KLF12: variants seen among roughly 807,000 people sequenced by gnomAD.
KLF12 encodes KLF transcription factor 12, also known as Krueppel-like factor 12.
Under a neutral mutation model 37.8 loss-of-function variants are expected in KLF12, and 9 were observed. The observed-to-expected ratio is 0.24, with a 90% confidence interval of 0.14 to 0.42. KLF12 has a LOEUF of 0.42. Ranked by LOEUF, KLF12 falls within the 10% of genes least tolerant of loss-of-function variation. The pLI, the probability that KLF12 is intolerant of heterozygous loss-of-function variation, is 1.00. For missense variants in KLF12, 411 were observed against 516.0 expected (o/e 0.80, Z 1.97); for synonymous variants, 208 against 202.1 (o/e 1.03, Z -0.25).
intron 1 of KLF12, among the ~76,000 whole-genome samples, chr13:74,096,761 A>G (rs1468788293): frequency 6.6e-6 from 1 of 152,218 alleles, no homozygotes; most frequent in Non-Finnish European, 1.5e-5. Context: ...CAATGAAATG[A>G]GAAGGGAGAT....
chr13:73,754,138 G>A (rs1443727467), intron 6 of KLF12, among the ~76,000 whole-genome samples: 1 of 152,090 alleles, frequency 6.6e-6, no homozygotes, highest in African/African-American at 2.4e-5. Flanking sequence ...AGTGCCCCCT[G>A]GGGTTGTGCA....
chr13:74,120,633 G>C (rs1877574140), intron 1 of KLF12, among the ~76,000 whole-genome samples: 1 of 151,926 alleles, frequency 6.6e-6, no homozygotes, highest in Admixed American at 6.6e-5. Context: ...ACATATTTTT[G>C]TCTGATATTG....
intron 3 of KLF12, among the ~76,000 whole-genome samples, chr13:73,900,763 C>T (rs1228934974): frequency 6.6e-6 from 1 of 152,058 alleles, no homozygotes; most frequent in South Asian, 2.1e-4. Flanking sequence ...TTTCCTTTAA[C>T]AATAACACTG....
At chr13:74,143,966 A>G in the KLF12 span, among the ~76,000 whole-genome samples, 2 of 152,206 alleles carry the variant, frequency 1.3e-5, no homozygotes, top group Non-Finnish European at 2.9e-5. Context: ...TACTGAGACC[A>G]TAATCCCATT....
intron 1 of KLF12, among the ~76,000 whole-genome samples, chr13:74,008,169 T>C (rs1410254865): frequency 6.6e-6 from 1 of 152,252 alleles, no homozygotes; most frequent in Non-Finnish European, 1.5e-5. Context: ...TTGCACTTTT[T>C]ATTTCACTAA....
chr13:73,852,553 G>A (rs1885385617), intron 3 of KLF12, among the ~76,000 whole-genome samples: 1 of 152,140 alleles, frequency 6.6e-6, no homozygotes, highest in Non-Finnish European at 1.5e-5. Flanking sequence ...AGGCTGAGGC[G>A]GCGGATCACT....
intron 3 of KLF12, among the ~76,000 whole-genome samples, chr13:73,867,091 A>G (rs549670127): frequency 1.3e-5 from 2 of 152,266 alleles, no homozygotes; most frequent in African/African-American, 4.8e-5. Context: ...TAAAAAGCAT[A>G]CAGTGTGATG....
At chr13:74,122,419 T>C (rs1434885448) in intron 1 of KLF12, among the ~76,000 whole-genome samples, 1 of 152,096 alleles carries the variant, frequency 6.6e-6, no homozygotes, top group Non-Finnish European at 1.5e-5. Flanking sequence ...CTATTACTGA[T>C]GGTGATTGGG....
At chr13:74,120,830 A>G (rs1309880957) in intron 1 of KLF12, among the ~76,000 whole-genome samples, 1 of 152,140 alleles carries the variant, frequency 6.6e-6, no homozygotes, top group Admixed American at 6.5e-5. Flanking sequence ...GGCTGTGAGA[A>G]GTTAATGATG....
intron 3 of KLF12, among the ~76,000 whole-genome samples, chr13:73,885,982 G>C (rs1335102264): frequency 6.6e-6 from 1 of 152,174 alleles, no homozygotes; most frequent in East Asian, 1.9e-4. Context: ...GAGGAAGGTT[G>C]GTGTTACTTA....
the KLF12 span, among the ~76,000 whole-genome samples, chr13:74,168,346 C>T: frequency 3.9e-5 from 6 of 152,350 alleles, no homozygotes; most frequent in African/African-American, 1.4e-4. Flanking sequence ...GACTCTGGCT[C>T]CATGTCTTAT....
chr13:73,824,881 A>C (rs1004918569), intron 4 of KLF12, among the ~76,000 whole-genome samples: 5 of 152,116 alleles, frequency 3.3e-5, no homozygotes, highest in Non-Finnish European at 7.4e-5. Flanking sequence ...CAGCCTGGCC[A>C]ACATGGTGAA....
intron 5 of KLF12, among the ~76,000 whole-genome samples, chr13:73,788,716 G>C (rs150803852): frequency 7.9e-5 from 12 of 151,722 alleles, no homozygotes; most frequent in African/African-American, 2.9e-4. Context: ...TTTTGTTTCA[G>C]AACATTTCAA....
the KLF12 span, among the ~76,000 whole-genome samples, chr13:74,229,379 C>T: frequency 3.3e-5 from 5 of 152,226 alleles, no homozygotes; most frequent in Middle Eastern, 3.4e-3. Flanking sequence ...ATTTATTATT[C>T]GTGGTTTTGA....
chr13:74,256,636 G>C, the KLF12 span, among the ~76,000 whole-genome samples: 4 of 151,858 alleles, frequency 2.6e-5, no homozygotes, highest in Non-Finnish European at 4.4e-5. Flanking sequence ...GAGGGGGTGA[G>C]TTTATACAGC....
At chr13:74,152,494 G>C in the KLF12 span, among the ~76,000 whole-genome samples, 3 of 152,024 alleles carry the variant, frequency 2.0e-5, no homozygotes, top group Non-Finnish European at 2.9e-5. Flanking sequence ...TAGTACTTTT[G>C]TGCCACCTGA....
At chr13:74,017,374 C>T (rs143872717) in intron 1 of KLF12, among the ~76,000 whole-genome samples, 1,638 of 149,298 alleles carry the variant, frequency 0.011, 19 homozygotes, top group African/African-American at 0.034. Context: ...ATCCTCAGAA[C>T]CAGACAAGTC....
At chr13:74,244,702 C>A in the KLF12 span, among the ~76,000 whole-genome samples, 3 of 152,270 alleles carry the variant, frequency 2.0e-5, no homozygotes, top group East Asian at 5.8e-4. Context: ...TTTATAGTAT[C>A]CCTTCATATT....
chr13:74,296,724 T>TA, the KLF12 span, among the ~76,000 whole-genome samples: 5 of 152,328 alleles, frequency 3.3e-5, no homozygotes, highest in Admixed American at 3.3e-4. Flanking sequence ...CTTACACAGA[T>TA]AATTTTCTTG....
Sources: allele counts gnomAD v4.1 joint callset (sites outside exome capture counted in the v4.1 genomes callset), GRCh38; gene constraint gnomAD v4.1.1; transcripts MANE v1.5; gene names NCBI Gene and HGNC (gene_info 2026-07-23, HGNC 2026-07-21).